Variants in WNT9B observed in about 807,000 individuals in gnomAD.
WNT9B encodes the protein protein Wnt-9b.
In WNT9B, 12 loss-of-function variants were observed where a neutral mutation model predicts 30.2. The observed-to-expected ratio is 0.40, with a 90% CI of 0.26 to 0.64. The LOEUF (loss-of-function observed/expected upper bound fraction) is 0.64, where lower values mean the gene tolerates loss of function less well. Ranked by LOEUF, WNT9B falls within the 30% of genes least tolerant of loss-of-function variation. The pLI, the probability that WNT9B is intolerant of heterozygous loss-of-function variation, is 0.42. For missense variants in WNT9B, 442 were observed against 485.2 expected, an observed-to-expected ratio of 0.91 and a Z score of 0.84; for synonymous variants, 218 against 216.9, an observed-to-expected ratio of 1.01 and a Z score of -0.05.
At chr17:46,856,110 T>C (rs547133307) in intron 1 of WNT9B, among the ~76,000 whole-genome samples, 1 of 152,232 alleles carries the variant, frequency 6.6e-6, no homozygotes, top group Non-Finnish European at 1.5e-5. Context: ...TCTGCACTGG[T>C]TGAGTTTCTT....
downstream of WNT9B, among the ~76,000 whole-genome samples, chr17:46,884,699 C>T (rs1198696886): frequency 6.6e-6 from 1 of 152,100 alleles, no homozygotes; most frequent in Admixed American, 6.6e-5. Flanking sequence ...TGGTGTCATC[C>T]CTCCTTTGCA....
intron 1 of WNT9B, among the ~76,000 whole-genome samples, chr17:46,835,066 C>G (rs1355726680): frequency 6.6e-6 from 1 of 152,230 alleles, no homozygotes; most frequent in Non-Finnish European, 1.5e-5. Context: ...GCGATCAGTG[C>G]TCACTGTAGC....
chr17:46,853,363 CTTTTTT>C (rs35252647), intron 1 of WNT9B, among the ~76,000 whole-genome samples: 10 of 78,906 alleles, frequency 1.3e-4, no homozygotes, highest in South Asian at 5.9e-4. Context: ...ATGCTAGTGA[CTTTTTT>C]TTTTTTTTTT....
intron 1 of WNT9B, among the ~76,000 whole-genome samples, chr17:46,853,363 C>CTT (rs35252647): frequency 0.098 from 7,759 of 78,848 alleles, 1,460 homozygotes; most frequent in African/African-American, 0.21. Flanking sequence ...ATGCTAGTGA[C>CTT]TTTTTTTTTT....
At chr17:46,836,211 AC>A (rs1274904222) in intron 1 of WNT9B, among the ~76,000 whole-genome samples, 6 of 146,940 alleles carry the variant, frequency 4.1e-5, no homozygotes, top group African/African-American at 1.5e-4. Flanking sequence ...TTGAACCCTT[AC>A]CCCCTTTCCA....
intron 1 of WNT9B, among the ~76,000 whole-genome samples, chr17:46,868,397 G>A (rs1204702370): frequency 1.3e-5 from 2 of 152,086 alleles, no homozygotes; most frequent in Admixed American, 6.5e-5. Context: ...TTCAAGACCA[G>A]CCTAGCCAAC....
chr17:46,874,007 A>AT (rs1415212944), intron 2 of WNT9B, among the ~76,000 whole-genome samples: 4 of 150,704 alleles, frequency 2.7e-5, no homozygotes, highest in African/African-American at 9.8e-5. Context: ...AAAAAAAAAA[A>AT]TGCAGTGATG....
chr17:46,851,580 C>T (rs868018937), upstream of WNT9B: 144 of 983,620 alleles, frequency 1.5e-4, no homozygotes, highest in Middle Eastern at 7.6e-4. The surrounding 1 kb of genome is among the most constrained non-coding windows in gnomAD (Gnocchi z 4.3). Flanking sequence ...CGGGTGGTGG[C>T]GGAGCTGCGA....
downstream of WNT9B, among the ~76,000 whole-genome samples, chr17:46,884,848 G>A (rs1398666519): frequency 6.6e-6 from 1 of 152,148 alleles, no homozygotes; most frequent in Non-Finnish European, 1.5e-5. Context: ...AGAGGCCGTG[G>A]AGCTGGGGAG....
chr17:46,883,407 A>C (rs1409986773), downstream of WNT9B, among the ~76,000 whole-genome samples: 6 of 149,436 alleles, frequency 4.0e-5, no homozygotes, highest in Non-Finnish European at 7.4e-5. Context: ...GCCTCAGCCT[A>C]TAGAGTAGCT....
chr17:46,873,988 CAAAAA>C (rs397857419), intron 2 of WNT9B, among the ~76,000 whole-genome samples: 1 of 69,694 alleles, frequency 1.4e-5, no homozygotes, highest in Admixed American at 1.7e-4. Context: ...GACTCTGTCT[CAAAAA>C]AAAAAAAAAA....
In WNT9B at chr17:46,872,409, C is replaced by G. The variant is rs537985326; in HGVS notation, c.78-108C>G. ...ACGGGACCTCCAGCGGGTCAGCCTG[C>G]TGCCCAGAAGGGCAGTAAATGAAGC... On this transcript the variant is annotated intron_variant, in intron 1 of 3. Coordinates refer to ENST00000290015, the MANE Select transcript of WNT9B (RefSeq NM_003396.3). 2.9e-5 allele frequency: 40 copies of G among 1,368,624 alleles called. No homozygotes were observed. In the African/African-American group the frequency reaches 4.3e-4, roughly 15 times the overall value. The allele number at this position is 1,368,624 out of a possible 1,614,324, so 84.8% of individuals were successfully genotyped here.
At chr17:46,873,729 C>G (rs774047743) in intron 2 of WNT9B, among the ~76,000 whole-genome samples, 2 of 150,514 alleles carry the variant, frequency 1.3e-5, no homozygotes, top group Non-Finnish European at 2.9e-5. Flanking sequence ...TGCAGTTGGC[C>G]GGTTGCCATG....
intron 1 of WNT9B, among the ~76,000 whole-genome samples, chr17:46,869,491 C>T (rs1307628842): frequency 2.0e-5 from 3 of 152,170 alleles, no homozygotes; most frequent in Non-Finnish European, 4.4e-5. Context: ...CACTCCATGC[C>T]AGAAGCACCA....
chr17:46,853,363 C>CT (rs35252647), intron 1 of WNT9B, among the ~76,000 whole-genome samples: 14,007 of 78,758 alleles, frequency 0.18, 2,801 homozygotes, highest in East Asian at 0.36. Flanking sequence ...ATGCTAGTGA[C>CT]TTTTTTTTTT....
At chr17:46,868,412 C>G (rs375025392) in intron 1 of WNT9B, among the ~76,000 whole-genome samples, 1 of 151,662 alleles carries the variant, frequency 6.6e-6, no homozygotes, top group African/African-American at 2.4e-5. Flanking sequence ...GCCAACATGG[C>G]GAAACCCCAT....
At chr17:46,860,314 A>G (rs2085014867) in intron 1 of WNT9B, among the ~76,000 whole-genome samples, 1 of 152,022 alleles carries the variant, frequency 6.6e-6, no homozygotes, top group Non-Finnish European at 1.5e-5. Context: ...TGCCTTTGGG[A>G]TTATGTGCTC....
At chr17:46,838,380 T>G (rs1041316858) in intron 1 of WNT9B, among the ~76,000 whole-genome samples, 4 of 150,796 alleles carry the variant, frequency 2.7e-5, no homozygotes, top group Non-Finnish European at 5.9e-5. Flanking sequence ...TAATCCCAAC[T>G]TTTTGGAAGG....
chr17:46,860,251 A>G (rs1364641392), intron 1 of WNT9B, among the ~76,000 whole-genome samples: 1 of 152,110 alleles, frequency 6.6e-6, no homozygotes. Flanking sequence ...AGAGGAGGGA[A>G]GCGGGGCCGG....
Sources: gnomAD v4.1 joint callset for allele counts (sites outside exome capture counted in the v4.1 genomes callset) on GRCh38, gnomAD v4.1.1 for gene constraint, Gnocchi (gnomAD v3.1) non-coding constraint, MANE v1.5 for transcripts, NCBI Gene and HGNC (gene_info 2026-07-23, HGNC 2026-07-21) for gene names.